Variants in GRM7 observed in about 807,000 individuals in gnomAD.
The protein encoded by GRM7 is glutamate metabotropic receptor 7.
A neutral mutation model predicts 84.5 loss-of-function variants in GRM7; 35 were observed. The observed-to-expected ratio is 0.41, with a 90% confidence interval of 0.32 to 0.55. GRM7 has a LOEUF of 0.55. Among genes scored for constraint, GRM7 ranks in the 20% least tolerant of loss-of-function variants. GRM7 has a pLI of 0.19. For synonymous variants in GRM7, 487 were observed against 455.1 expected (o/e 1.07, Z -0.89); for missense variants, 1,003 against 1,194.6 (o/e 0.84, Z 2.36).
intron 1 of GRM7, among the ~76,000 whole-genome samples, chr3:6,897,454 A>G (rs764440866): frequency 9.9e-5 from 15 of 152,166 alleles, no homozygotes; most frequent in Non-Finnish European, 1.9e-4. Context: ...TTAAGCTTGG[A>G]GCAGACCTGA....
At chr3:7,526,979 C>A (rs758126758) in intron 7 of GRM7, among the ~76,000 whole-genome samples, 20 of 151,910 alleles carry the variant, frequency 1.3e-4, no homozygotes, top group Non-Finnish European at 2.7e-4. Context: ...TGGCTTTGTT[C>A]TTTTTACTTC....
chr3:6,982,096 C>A (rs943155353), intron 1 of GRM7, among the ~76,000 whole-genome samples: 1 of 152,060 alleles, frequency 6.6e-6, no homozygotes, highest in African/African-American at 2.4e-5. Flanking sequence ...ACATATATAC[C>A]AGGGAATACT....
intron 1 of GRM7, among the ~76,000 whole-genome samples, chr3:7,031,855 AATAT>A (rs1285544279): frequency 6.6e-6 from 1 of 152,198 alleles, no homozygotes; most frequent in South Asian, 2.1e-4. Context: ...GCATGTAGTA[AATAT>A]ATATGAAAAC....
At chr3:7,469,252 C>T (rs1425277290) in intron 7 of GRM7, among the ~76,000 whole-genome samples, 1 of 152,176 alleles carries the variant, frequency 6.6e-6, no homozygotes, top group Non-Finnish European at 1.5e-5. Context: ...TTCAGGGATT[C>T]ATTTGAGAAC....
chr3:7,204,120 A>T (rs1289225123), intron 2 of GRM7, among the ~76,000 whole-genome samples: 1 of 152,236 alleles, frequency 6.6e-6, no homozygotes, highest in African/African-American at 2.4e-5. Flanking sequence ...GAAAAAGTTC[A>T]GGTGTGGACC....
At chr3:7,740,210 A>G (rs1702643287) in intron 9 of GRM7, 147 bp from the exon 10 acceptor site, 3 of 570,530 alleles carry the variant, frequency 5.3e-6, no homozygotes. Context: ...CCTTAGAGTC[A>G]GAGGAATCCA....
At chr3:7,022,363 ACATG>A (rs1695809571) in intron 1 of GRM7, among the ~76,000 whole-genome samples, 2 of 128,028 alleles carry the variant, frequency 1.6e-5, no homozygotes, top group Non-Finnish European at 3.2e-5. Flanking sequence ...ATATACACAC[ACATG>A]CACACACACA....
intron 1 of GRM7, among the ~76,000 whole-genome samples, chr3:6,949,265 T>C (rs1454612458): frequency 6.6e-6 from 1 of 152,226 alleles, no homozygotes; most frequent in East Asian, 1.9e-4. Context: ...TGACAAAATC[T>C]CTCAGCATTT....
Position 7,578,975 on chromosome 3 carries a change from C to A in GRM7, c.2069C>A (p.Ser690Ter). 6.2e-7 allele frequency: 1 copy of A among 1,614,080 alleles called. No individual in the cohort carries two copies. Among genetic ancestry groups the A allele is most frequent in the Non-Finnish European group, 8.5e-7 (1 of 1,179,994 alleles). The change falls in exon 8 of 10, where the codon TCA becomes TAA. Residue 690 changes from serine (S) to a stop codon, truncating the protein, a stop_gained. Coordinates refer to ENST00000357716, the MANE Select transcript of GRM7 (RefSeq NM_000844.4). LOFTEE classifies it high-confidence loss of function. ...IYRIFEQGKKSVTAPRLISPT... is the reference protein window; with the variant it reads ...IYRIFEQGKK ...CGCATATTTGAGCAGGGCAAGAAAT[C>A]AGTAACAGCTCCCAGACTCATAAGC...
At chr3:7,308,019 A>G (rs1283818211) in intron 4 of GRM7, among the ~76,000 whole-genome samples, 1 of 152,176 alleles carries the variant, frequency 6.6e-6, no homozygotes, top group East Asian at 1.9e-4. Context: ...GTTGGATGCG[A>G]GAAGTGATAA....
At chr3:7,437,130 A>G (rs1697090530) in intron 5 of GRM7, among the ~76,000 whole-genome samples, 3 of 152,188 alleles carry the variant, frequency 2.0e-5, no homozygotes. Context: ...TAAGTGGCAG[A>G]ACCAAAATTT....
intron 2 of GRM7, among the ~76,000 whole-genome samples, chr3:7,193,511 T>C (rs1459749501): frequency 6.6e-6 from 1 of 152,132 alleles, no homozygotes; most frequent in Non-Finnish European, 1.5e-5. Flanking sequence ...GAGAATCTGA[T>C]TTCCATTGTG....
At chr3:7,117,233 C>A (rs1363119889) in intron 1 of GRM7, among the ~76,000 whole-genome samples, 2 of 152,120 alleles carry the variant, frequency 1.3e-5, no homozygotes, top group African/African-American at 2.4e-5. Flanking sequence ...ACTAAGATTC[C>A]CACCACCTCA....
intron 4 of GRM7, among the ~76,000 whole-genome samples, chr3:7,358,394 C>G (rs1261366881): frequency 8.0e-6 from 1 of 124,976 alleles, no homozygotes; most frequent in African/African-American, 3.5e-5. Flanking sequence ...AAATAACAAA[C>G]ATTCATAAAA....
intron 1 of GRM7, among the ~76,000 whole-genome samples, chr3:7,034,475 T>C (rs1696304608): frequency 6.6e-6 from 1 of 152,206 alleles, no homozygotes; most frequent in South Asian, 2.1e-4. Context: ...GGCTACTTGA[T>C]TTATAGCTAC....
intron 2 of GRM7, among the ~76,000 whole-genome samples, chr3:7,250,553 A>G (rs1322445942): frequency 2.1e-3 from 1 of 480 alleles, no homozygotes; most frequent in Middle Eastern, 0.5. Flanking sequence ...AAAAATCCCC[A>G]TCCTGTGCCA....
chr3:6,866,381 T>C (rs1248348555), intron 1 of GRM7, among the ~76,000 whole-genome samples: 1 of 152,122 alleles, frequency 6.6e-6, no homozygotes, highest in Admixed American at 6.5e-5. Flanking sequence ...TAAAAGTCTG[T>C]AATCTTTTTT....
At chr3:7,325,609 G>A (rs1302101489) in intron 4 of GRM7, among the ~76,000 whole-genome samples, 1 of 152,112 alleles carries the variant, frequency 6.6e-6, no homozygotes, top group South Asian at 2.1e-4. Flanking sequence ...ATCCCAGCCT[G>A]GGAAAGGAGA....
intron 2 of GRM7, among the ~76,000 whole-genome samples, chr3:7,220,058 C>G (rs1027009190): frequency 6.6e-6 from 1 of 152,090 alleles, no homozygotes; most frequent in Admixed American, 6.5e-5. Flanking sequence ...AAGTCCCTGG[C>G]TGATATAAAT....
Sources: gnomAD v4.1 joint callset for allele counts (sites outside exome capture counted in the v4.1 genomes callset) on GRCh38, gnomAD v4.1.1 for gene constraint, MANE v1.5 for transcripts, NCBI Gene and HGNC (gene_info 2026-07-23, HGNC 2026-07-21) for gene names.